PCDHGA2: variants seen among roughly 807,000 people sequenced by gnomAD.
PCDHGA2 encodes protocadherin gamma-A2.
PCDHGA2 carries 40 observed loss-of-function variants against 59.2 expected under a neutral mutation model. That is an observed-to-expected ratio of 0.68 (90% CI 0.52 to 0.88). The LOEUF (loss-of-function observed/expected upper bound fraction) is 0.88, where lower values mean the gene tolerates loss of function less well. PCDHGA2 is among the 40% of genes least tolerant of loss of function. PCDHGA2 has a pLI of 0.00. For synonymous variants in PCDHGA2, 560 were observed against 526.0 expected, an observed-to-expected ratio of 1.06 and a Z score of -0.89; for missense variants, 1,226 against 1,204.0, an observed-to-expected ratio of 1.02 and a Z score of -0.27.
chr5:141,364,997 T>A, intron 1 of PCDHGA2: 1 of 1,613,852 alleles, frequency 6.2e-7, no homozygotes. Context: ...CCCGGTACTC[T>A]CCGGCACCAC....
chr5:141,359,431 A>C (rs1429796620), intron 1 of PCDHGA2, among the ~76,000 whole-genome samples: 1 of 151,820 alleles, frequency 6.6e-6, no homozygotes, highest in African/African-American at 2.4e-5. Flanking sequence ...TAGAATGGGC[A>C]GTGGGTTTCT....
rs1186225096 is a variant in PCDHGA2, at chr5:141,490,605, C to G, written c.2425-4202C>G. The G allele has an allele frequency of 1.1e-5, 18 of 1,614,198 alleles. No homozygotes were observed. Among genetic ancestry groups the G allele is most frequent in the Non-Finnish European group, 1.5e-5 (18 of 1,180,030 alleles). On this transcript the variant is annotated intron_variant, in intron 1 of 3. Transcript: ENST00000394576. The surrounding 1 kb of genome is among the most constrained non-coding windows in gnomAD (Gnocchi z 5.4). ...TCAATGACAATGCACCCCGCTTCAACCAGCAGCTTTACACTGCTTACATCC... is the reference window on the plus strand; with the variant it reads ...TCAATGACAATGCACCCCGCTTCAAGCAGCAGCTTTACACTGCTTACATCC...
intron 1 of PCDHGA2, among the ~76,000 whole-genome samples, chr5:141,450,485 T>A (rs1382219564): frequency 6.6e-6 from 1 of 152,160 alleles, no homozygotes; most frequent in Non-Finnish European, 1.5e-5. Flanking sequence ...GTTTGTTTGT[T>A]TGTCTGTTTG....
At chr5:141,410,515 G>T in intron 1 of PCDHGA2, 1 of 1,613,946 alleles carries the variant, frequency 6.2e-7, no homozygotes, top group South Asian at 1.1e-5. Flanking sequence ...AATGCAGTGT[G>T]CCCCTACATT....
intron 1 of PCDHGA2, chr5:141,382,952 T>C (rs781221322): frequency 6.2e-7 from 1 of 1,601,438 alleles, no homozygotes; most frequent in Non-Finnish European, 8.5e-7. Context: ...CTGCTCTCCA[T>C]CCTCCTGGGG....
rs764957747 is a variant in PCDHGA2, at chr5:141,505,453, G to A, written c.2544G>A (p.Leu848=). Residue 848 remains leucine (L), a synonymous_variant, in exon 3 of 4, where the codon CTG becomes CTA. Coordinates refer to ENST00000394576, the MANE Select transcript of PCDHGA2 (RefSeq NM_018915.4). ...ACAACCAGTTTGACACAGAGATGCT[G>A]CAAGCCATGATCTTGGCGTCCGCCA... ...WPNNQFDTEM[L]QAMILASASE... 3 of 1,614,190 alleles carry A rather than the reference G, an allele frequency of 1.9e-6. No individual in the cohort carries two copies. Among genetic ancestry groups the A allele is most frequent in the Non-Finnish European group, 2.5e-6 (3 of 1,180,012 alleles).
intron 1 of PCDHGA2, chr5:141,415,217 GCTTCGAGTCT>G: frequency 2.5e-6 from 4 of 1,614,124 alleles, no homozygotes; most frequent in Non-Finnish European, 3.4e-6. Context: ...GACCTCGGCA[GCTTCGAGTCT>G]CCAGCTAACT....
rs748115530 is a variant in PCDHGA2 at position 141,489,429 on chromosome 5, G to C, written c.2425-5378G>C. 5 of 1,614,022 alleles carry C rather than the reference G, an allele frequency of 3.1e-6. No individual in the cohort carries two copies. The East Asian group carries it at 8.9e-5, about 29-fold the overall frequency. ...AGATGACAGATCTGTTGAGCCGGCG[G>C]CTGCAATTGGGCTCTGAGGAGAATG... On this transcript the variant is annotated intron_variant, in intron 1 of 3. Transcript: ENST00000394576. The surrounding 1 kb of genome is among the most constrained non-coding windows in gnomAD (Gnocchi z 4.5).
rs192747939 is a variant in PCDHGA2 at position 141,487,483 on chromosome 5, T to C, written c.2425-7324T>C. 12 of 1,614,224 alleles carry C rather than the reference T, an allele frequency of 7.4e-6. No individual in the cohort carries two copies. In the Admixed American group the frequency reaches 1.8e-4, roughly 25 times the overall value. On this transcript the variant is annotated intron_variant, in intron 1 of 3. Coordinates refer to ENST00000394576, the MANE Select transcript of PCDHGA2 (RefSeq NM_018915.4). This position sits in a 1 kb window ranked among gnomAD's most constrained non-coding sequence, Gnocchi z 5.0. ...TTGTTGATGTGGGAGGCCACTCTCA[T>C]GGCTGTACACCCTTGGCTTCTGCAC... is the stretch of plus-strand genomic sequence containing the variant.
intron 1 of PCDHGA2, chr5:141,366,813 T>G (rs1281662720): frequency 6.5e-7 from 1 of 1,549,490 alleles, no homozygotes. Flanking sequence ...TTTTCATGTT[T>G]CTGTCATATT....
At chr5:141,352,653 C>G in intron 1 of PCDHGA2, 2 of 1,597,500 alleles carry the variant, frequency 1.3e-6, no homozygotes, top group Non-Finnish European at 1.7e-6. Context: ...GCTTATGACC[C>G]TTCTTTGTCT....
intron 1 of PCDHGA2, chr5:141,372,300 G>A: frequency 2.5e-6 from 4 of 1,613,366 alleles, no homozygotes; most frequent in Non-Finnish European, 3.4e-6. Context: ...GGGCGACAGG[G>A]AGGCCGCCCG....
rs886859909 is a variant in PCDHGA2 at position 141,340,332 on chromosome 5, G to T, written c.1361G>T (p.Arg454Leu). Reference protein sequence around the residue: ...DINDNAPAFSRTSYSTYIPEN... With the variant: ...DINDNAPAFSLTSYSTYIPEN... ...AACGACAACGCACCCGCCTTCTCCC[G>T]CACATCCTACTCCACCTACATTCCC... The change falls in exon 1 of 4, where the codon CGC becomes CTC. Residue 454 changes from arginine (R) to leucine (L), a missense_variant. Transcript: ENST00000394576. 12 of 1,613,882 alleles carry T rather than the reference G, an allele frequency of 7.4e-6. No individual in the cohort carries two copies. The highest frequency in any genetic ancestry group is 1.0e-5 in the Non-Finnish European group (12 of 1,180,014).
rs373421472 is a variant in PCDHGA2, at chr5:141,472,201, A to G, written c.2425-22606A>G. ...GTATTGGAATTTGAATCTTTTTGAC[A>G]CTAAGACCTTACTCTCGATCATATA... is the stretch of plus-strand genomic sequence containing the variant. On this transcript the variant is annotated intron_variant, in intron 1 of 3. Coordinates refer to ENST00000394576, the MANE Select transcript of PCDHGA2 (RefSeq NM_018915.4). Among the ~76,000 whole-genome samples the G allele has an allele frequency of 5.6e-4, 86 of 152,320 alleles. 2 individuals are homozygous for G. The South Asian group carries it at 0.017, about 30-fold the overall frequency.
In PCDHGA2 at chr5:141,486,184, A is replaced by G. The variant is rs2099625756; in HGVS notation, c.2425-8623A>G. 8 of 1,614,014 alleles carry G rather than the reference A, an allele frequency of 5.0e-6. No homozygotes were observed. Among genetic ancestry groups the G allele is most frequent in the Non-Finnish European group, 6.8e-6 (8 of 1,180,026 alleles). On this transcript the variant is annotated intron_variant, in intron 1 of 3. Transcript: ENST00000394576. This position sits in a 1 kb window ranked among gnomAD's most constrained non-coding sequence, Gnocchi z 5.0. ...CCATGGAGCAACATTGCAGCCTTCG[A>G]GTGGATCTGCTGGACGTAAATGACA...
intron 2 of PCDHGA2, among the ~76,000 whole-genome samples, chr5:141,498,971 G>GGGAAGGAA (rs201769957): frequency 0.022 from 2,449 of 111,032 alleles, 52 homozygotes; most frequent in African/African-American, 0.046. Flanking sequence ...GAGGGAGGGA[G>GGGAAGGAA]GGAAGGAAGG....
At chr5:141,410,803 C>A in intron 1 of PCDHGA2, 11 of 409,880 alleles carry the variant, frequency 2.7e-5, no homozygotes, top group East Asian at 1.2e-4. Context: ...GTTGCTCTAT[C>A]TTTTTGTAAA....
rs148331367 is a variant in PCDHGA2 at position 141,435,055 on chromosome 5, A to C, written c.2425-59752A>C. ...TTTATTTTTTTCCCATTGACCATGC[A>C]GCAGTTTTGTGTAGACCGTCTGATA... On this transcript the variant is annotated intron_variant, in intron 1 of 3. Transcript: ENST00000394576. Among the ~76,000 whole-genome samples, 21 of 152,242 alleles carry C rather than the reference A, an allele frequency of 1.4e-4. No individual in the cohort carries two copies. The East Asian group carries it at 4.0e-3, about 29-fold the overall frequency.
Position 141,427,801 on chromosome 5 carries a change from G to T in PCDHGA2, c.2425-67006G>T, listed in dbSNP as rs755067099. On this transcript the variant is annotated intron_variant, in intron 1 of 3. Coordinates refer to ENST00000394576, the MANE Select transcript of PCDHGA2 (RefSeq NM_018915.4). ...GCACTGTCGTCCTACGTGTCCGTGA[G>T]CGCACAGAGCGGGGTGGTGGTCGCG... 6 of 1,510,138 alleles carry T rather than the reference G, an allele frequency of 4.0e-6. No homozygotes were observed. In the African/African-American group the frequency reaches 8.2e-5, roughly 21 times the overall value. 93.5% of individuals were successfully genotyped at this position (1,510,138 alleles called of 1,614,324 possible). A position where few individuals can be genotyped will look rare whatever the true frequency, so the allele number is the denominator to read the frequency against.
Sources: allele counts gnomAD v4.1 joint callset (sites outside exome capture counted in the v4.1 genomes callset), GRCh38; gene constraint gnomAD v4.1.1; non-coding constraint Gnocchi (gnomAD v3.1); transcripts MANE v1.5; gene names NCBI Gene and HGNC (gene_info 2026-07-23, HGNC 2026-07-21).